NCOA2: variants seen among roughly 807,000 people sequenced by gnomAD.
The protein encoded by NCOA2 is class E basic helix-loop-helix protein 75.
NCOA2 carries 21 observed loss-of-function variants against 145.1 expected under a neutral mutation model. The ratio of observed to expected loss-of-function variants is 0.14; its 90% CI spans 0.10 to 0.21. The LOEUF (loss-of-function observed/expected upper bound fraction) is 0.21. Among genes scored for constraint, NCOA2 ranks in the 10% least tolerant of loss-of-function variants. The probability of loss-of-function intolerance (pLI) is 1.00; values close to 1 mark genes in which losing one functional copy is unlikely to be tolerated. For synonymous variants in NCOA2, 619 were observed against 637.5 expected, an observed-to-expected ratio of 0.97 and a Z score of 0.44; for missense variants, 1,472 against 1,837.6, an observed-to-expected ratio of 0.80 and a Z score of 3.64.
chr8:70,118,343 A>G lies in NCOA2; in HGVS notation c.4383+2959T>C, dbSNP rs138261700. Among the ~76,000 whole-genome samples, 6 of 152,246 alleles carry G rather than the reference A, an allele frequency of 3.9e-5. No homozygotes were observed. The South Asian group carries it at 6.2e-4, about 16-fold the overall frequency. On this transcript the variant is annotated intron_variant, in intron 22 of 22. Coordinates refer to ENST00000452400, the MANE Select transcript of NCOA2 (RefSeq NM_006540.4). ...TCTGGGAAGTGCATTCCTGATTTCA[A>G]CTTCTGCACATAAGCCACGACTGAG... is the stretch of plus-strand genomic sequence containing the variant.
chr8:70,286,361 CAG>C (rs1395422889), intron 2 of NCOA2, among the ~76,000 whole-genome samples: 1 of 152,034 alleles, frequency 6.6e-6, no homozygotes, highest in African/African-American at 2.4e-5. Flanking sequence ...AGTCTGGTGA[CAG>C]AGCAAGAAAA....
At chr8:70,230,617 G>GC (rs1821051611) in intron 2 of NCOA2, among the ~76,000 whole-genome samples, 1 of 152,158 alleles carries the variant, frequency 6.6e-6, no homozygotes, top group South Asian at 2.1e-4. Context: ...GACTTCTCTA[G>GC]CAACATTCAT....
At chr8:70,223,081 C>T (rs1820303468) in intron 2 of NCOA2, among the ~76,000 whole-genome samples, 1 of 152,160 alleles carries the variant, frequency 6.6e-6, no homozygotes, top group East Asian at 1.9e-4. Flanking sequence ...GCATTCCTTG[C>T]ATAACGTAAG....
Position 70,194,088 on chromosome 8 carries a change from T to C in NCOA2, c.260-19229A>G, listed in dbSNP as rs139247110. The stretch of plus-strand genomic sequence containing the variant: ...CAAGTCCGTTTTAAATGAACAACTT[T>C]TCTCTGCTGTGTATTTTTTCTATGT... On this transcript the variant is annotated intron_variant, in intron 4 of 22. Transcript: ENST00000452400. Among the ~76,000 whole-genome samples the C allele has an allele frequency of 3.1e-3, 478 of 152,376 alleles. 1 individual carries two copies. Among genetic ancestry groups the C allele is most frequent in the Non-Finnish European group, 5.8e-3 (393 of 68,036 alleles).
chr8:70,140,014 C>G (rs1000372854), intron 14 of NCOA2, among the ~76,000 whole-genome samples: 2 of 152,050 alleles, frequency 1.3e-5, no homozygotes, highest in African/African-American at 2.4e-5. Flanking sequence ...TGCTAATGTA[C>G]AAGAAGAGGG....
At chr8:70,350,880 A>G (rs1018667431) in intron 1 of NCOA2, among the ~76,000 whole-genome samples, 3 of 152,214 alleles carry the variant, frequency 2.0e-5, no homozygotes, top group African/African-American at 4.8e-5. Context: ...TTGTGTTGCT[A>G]TAACAAAATA....
intron 10 of NCOA2, among the ~76,000 whole-genome samples, chr8:70,159,188 AAT>A (rs1812610895): frequency 7.4e-6 from 1 of 135,174 alleles, no homozygotes; most frequent in Non-Finnish European, 1.6e-5. Context: ...ATACAGTGTA[AAT>A]ATAGTTATAA....
the NCOA2 span, among the ~76,000 whole-genome samples, chr8:70,427,494 C>CTTTTGGTATGAATGCTTT: frequency 6.6e-6 from 1 of 151,862 alleles, no homozygotes; most frequent in African/African-American, 2.4e-5. Context: ...CTCAGATTAT[C>CTTTTGGTATGAATGCTTT]TATTGGTCAG....
intron 1 of NCOA2, among the ~76,000 whole-genome samples, chr8:70,303,817 C>T (rs1827676473): frequency 6.6e-6 from 1 of 152,068 alleles, no homozygotes; most frequent in African/African-American, 2.4e-5. Flanking sequence ...AGTTATTGGG[C>T]AGAAATTAAT....
At chr8:70,439,619 C>T in the NCOA2 span, among the ~76,000 whole-genome samples, 11 of 152,250 alleles carry the variant, frequency 7.2e-5, no homozygotes, top group East Asian at 1.7e-3. Context: ...AGATCTAATA[C>T]GTGGATAAGG....
chr8:70,395,223 G>C (rs1278104817), intron 1 of NCOA2, among the ~76,000 whole-genome samples: 4 of 152,240 alleles, frequency 2.6e-5, no homozygotes, highest in Admixed American at 2.6e-4. Context: ...CCAAAGTGAA[G>C]TGGTCAGAAG....
At chr8:70,412,647 CAAAAA>C in the NCOA2 span, among the ~76,000 whole-genome samples, 1 of 48,304 alleles carries the variant, frequency 2.1e-5, no homozygotes, top group Non-Finnish European at 4.1e-5. Flanking sequence ...TACTTCGTCT[CAAAAA>C]AAAAAAAAAA....
In NCOA2 at chr8:70,218,101, G is replaced by T. The variant is rs377232718; in HGVS notation, c.-19-1337C>A. Among the ~76,000 whole-genome samples, 49 of 151,934 alleles carry T rather than the reference G, an allele frequency of 3.2e-4. No homozygotes were observed. The East Asian group carries it at 5.4e-3, about 17-fold the overall frequency. ...GAACATAACGCGTACCAGTCAAACC[G>T]CCAGGCCACTTCTTCCCTGTAATCT... On this transcript the variant is annotated intron_variant, in intron 2 of 22. Transcript: ENST00000452400.
intron 2 of NCOA2, among the ~76,000 whole-genome samples, chr8:70,273,056 A>G (rs974593079): frequency 6.6e-5 from 10 of 152,206 alleles, no homozygotes; most frequent in Admixed American, 4.6e-4. Flanking sequence ...TTATCTGTGA[A>G]TTGATTTAAT....
At chr8:70,257,061 C>G (rs1272071079) in intron 2 of NCOA2, among the ~76,000 whole-genome samples, 1 of 152,128 alleles carries the variant, frequency 6.6e-6, no homozygotes, top group Non-Finnish European at 1.5e-5. Flanking sequence ...GACAGAGGTA[C>G]TAGTTTAGTC....
intron 4 of NCOA2, among the ~76,000 whole-genome samples, chr8:70,180,002 A>T (rs1015766519): frequency 2.0e-5 from 3 of 152,078 alleles, no homozygotes; most frequent in African/African-American, 7.2e-5. Flanking sequence ...GCTGGTCTTG[A>T]ACTCCTGGGC....
At chr8:70,163,414 T>G in intron 8 of NCOA2, 51 bp downstream of exon 8, 1 of 1,344,894 alleles carries the variant, frequency 7.4e-7, no homozygotes, top group South Asian at 1.2e-5. Context: ...TTCCCAAATA[T>G]GTAAGTATTC....
intron 2 of NCOA2, among the ~76,000 whole-genome samples, chr8:70,223,660 C>T (rs1411745167): frequency 1.3e-5 from 2 of 152,264 alleles, no homozygotes; most frequent in African/African-American, 4.8e-5. Flanking sequence ...GCGTTTTCTA[C>T]GTACTTTACC....
intron 11 of NCOA2, among the ~76,000 whole-genome samples, chr8:70,149,743 G>T (rs1413461632): frequency 6.6e-6 from 1 of 152,064 alleles, no homozygotes; most frequent in Non-Finnish European, 1.5e-5. Context: ...AAATCAGATA[G>T]TGCATGCTAG....
Sources: gnomAD v4.1 joint callset for allele counts (sites outside exome capture counted in the v4.1 genomes callset) on GRCh38, gnomAD v4.1.1 for gene constraint, MANE v1.5 for transcripts, NCBI Gene and HGNC (gene_info 2026-07-23, HGNC 2026-07-21) for gene names.